PTPRD: variants seen among roughly 807,000 people sequenced by gnomAD.
The protein encoded by PTPRD is receptor-type tyrosine-protein phosphatase delta.
A neutral mutation model predicts 214.5 loss-of-function variants in PTPRD; 34 were observed. The ratio of observed to expected loss-of-function variants is 0.16; its 90% CI spans 0.12 to 0.21. The LOEUF (loss-of-function observed/expected upper bound fraction) is 0.21, where lower values mean the gene tolerates loss of function less well. Ranked by LOEUF, PTPRD falls within the 10% of genes least tolerant of loss-of-function variation. The pLI is 1.00. For synonymous variants in PTPRD, 1,128 were observed against 845.7 expected (o/e 1.33, Z -5.79); for missense variants, 2,545 against 2,398.7 (o/e 1.06, Z -1.27).
At chr9:9,036,586 T>C (rs900324856) in intron 10 of PTPRD, among the ~76,000 whole-genome samples, 25 of 152,306 alleles carry the variant, frequency 1.6e-4, no homozygotes, top group Admixed American at 1.1e-3. Context: ...AAATGTACCA[T>C]TTTAATGTTA....
chr9:8,421,372 C>CTCTTCTCTTCTCTTCTCT (rs1320344995), intron 35 of PTPRD, among the ~76,000 whole-genome samples: 13 of 147,750 alleles, frequency 8.8e-5, no homozygotes, highest in African/African-American at 2.8e-4. Context: ...CTCTTCTCTT[C>CTCTTCTCTTCTCTTCTCT]TCTCTCTCTC....
chr9:10,479,644 A>C (rs10959116), intron 2 of PTPRD, among the ~76,000 whole-genome samples: 1 of 38,878 alleles, frequency 2.6e-5, no homozygotes, highest in Non-Finnish European at 7.4e-5. Context: ...TAAATAAATA[A>C]ATAAATAAAT....
intron 11 of PTPRD, among the ~76,000 whole-genome samples, chr9:8,946,624 G>T (rs2099066168): frequency 6.6e-6 from 1 of 152,106 alleles, no homozygotes; most frequent in South Asian, 2.1e-4. Context: ...GCTAATGGGG[G>T]ATTCTTCTTT....
intron 3 of PTPRD, among the ~76,000 whole-genome samples, chr9:10,292,128 A>C (rs1483318528): frequency 6.6e-6 from 1 of 152,072 alleles, no homozygotes; most frequent in African/African-American, 2.4e-5. Context: ...TCGTAATTTT[A>C]TTATAATTAA....
At chr9:9,024,348 G>GTTTTTTTTTTTT (rs752607769) in intron 10 of PTPRD, among the ~76,000 whole-genome samples, 33 of 64,170 alleles carry the variant, frequency 5.1e-4, no homozygotes, top group African/African-American at 1.1e-3. Context: ...GTTTTTTTTT[G>GTTTTTTTTTTTT]TTTGTTTTTT....
At chr9:8,766,061 G>C (rs1338043916) in intron 11 of PTPRD, among the ~76,000 whole-genome samples, 2 of 151,890 alleles carry the variant, frequency 1.3e-5, no homozygotes, top group African/African-American at 4.8e-5. Flanking sequence ...CCTCTTGGTG[G>C]ATAGTCATTG....
At chr9:10,304,876 T>C (rs2154410407) in intron 3 of PTPRD, among the ~76,000 whole-genome samples, 1 of 152,204 alleles carries the variant, frequency 6.6e-6, no homozygotes, top group East Asian at 1.9e-4. Context: ...CAAGCTACCA[T>C]TGACTTTCTT....
At chr9:10,592,445 T>G (rs1354114290) in intron 2 of PTPRD, among the ~76,000 whole-genome samples, 1 of 151,988 alleles carries the variant, frequency 6.6e-6, no homozygotes, top group Non-Finnish European at 1.5e-5. Context: ...GGAGAAGATA[T>G]TGAAGGACAG....
At chr9:8,686,225 A>T (rs933331706) in intron 12 of PTPRD, among the ~76,000 whole-genome samples, 1 of 152,244 alleles carries the variant, frequency 6.6e-6, no homozygotes, top group African/African-American at 2.4e-5. Context: ...TTTTCATATT[A>T]AAAACTTAAA....
At chr9:9,759,016 G>GA (rs1435488838) in intron 6 of PTPRD, among the ~76,000 whole-genome samples, 2 of 151,960 alleles carry the variant, frequency 1.3e-5, no homozygotes, top group Admixed American at 1.3e-4. Flanking sequence ...GGTGTTTAAA[G>GA]AAAAAAAGTT....
intron 39 of PTPRD, among the ~76,000 whole-genome samples, chr9:8,370,777 C>G (rs2081298077): frequency 6.6e-6 from 1 of 151,944 alleles, no homozygotes; most frequent in African/African-American, 2.4e-5. Context: ...CATCATGGGA[C>G]CTAAAGTCTG....
chr9:10,305,782 G>A (rs1169807102), intron 3 of PTPRD, among the ~76,000 whole-genome samples: 1 of 152,056 alleles, frequency 6.6e-6, no homozygotes, highest in Non-Finnish European at 1.5e-5. Context: ...ACAGATGCCG[G>A]AGAGGATGTG....
intron 9 of PTPRD, among the ~76,000 whole-genome samples, chr9:9,262,914 G>A: frequency 6.6e-6 from 1 of 151,510 alleles, no homozygotes; most frequent in East Asian, 2.0e-4. Context: ...ATCTTACTTA[G>A]AGTTCCTAAC....
chr9:9,480,581 AG>A (rs2095364675), intron 8 of PTPRD, among the ~76,000 whole-genome samples: 1 of 152,122 alleles, frequency 6.6e-6, no homozygotes, highest in Admixed American at 6.6e-5. Context: ...TGATGTTTAT[AG>A]TGTCTCTTTT....
chr9:10,325,050 C>T (rs1282864151), intron 3 of PTPRD, among the ~76,000 whole-genome samples: 1 of 151,996 alleles, frequency 6.6e-6, no homozygotes, highest in Admixed American at 6.6e-5. Flanking sequence ...AAAGTTGGTA[C>T]TCAGGTCCAG....
At position 10,585,129 on chromosome 9, in the gene PTPRD, T is replaced by C. The variant is rs144885362; in HGVS notation, c.-600+27269A>G. On this transcript the variant is annotated intron_variant, in intron 2 of 45. Coordinates refer to ENST00000381196, the MANE Select transcript of PTPRD (RefSeq NM_002839.4). The stretch of plus-strand genomic sequence containing the variant: ...TATTGATATTTAGTAATATTAAATA[T>C]AGTTTCCCGTCAGTGGGGAGAATTA... Among the ~76,000 whole-genome samples the C allele has an allele frequency of 6.2e-3, 950 of 152,260 alleles. 8 individuals carry two copies. Among genetic ancestry groups the C allele is most frequent in the Non-Finnish European group, 7.2e-3 (490 of 67,996 alleles).
At chr9:9,540,192 G>C (rs921992346) in intron 8 of PTPRD, among the ~76,000 whole-genome samples, 8 of 151,800 alleles carry the variant, frequency 5.3e-5, no homozygotes, top group African/African-American at 1.9e-4. Flanking sequence ...GCCACCCAGG[G>C]CTTTGCAATA....
chr9:10,162,220 G>C (rs1300951733), intron 3 of PTPRD, among the ~76,000 whole-genome samples: 1 of 151,184 alleles, frequency 6.6e-6, no homozygotes, highest in Non-Finnish European at 1.5e-5. Context: ...AAAATAATGA[G>C]TAAATCAAAG....
intron 10 of PTPRD, among the ~76,000 whole-genome samples, chr9:9,148,722 T>C (rs2099872819): frequency 6.6e-6 from 1 of 152,218 alleles, no homozygotes; most frequent in South Asian, 2.1e-4. Context: ...AACCCTTTAA[T>C]GGCTTTTAAC....
Sources: allele counts gnomAD v4.1 joint callset (sites outside exome capture counted in the v4.1 genomes callset), GRCh38; gene constraint gnomAD v4.1.1; transcripts MANE v1.5; gene names NCBI Gene and HGNC (gene_info 2026-07-23, HGNC 2026-07-21).